Variants in MYT1L observed in about 807,000 individuals in gnomAD.
The protein encoded by MYT1L is myelin transcription factor 1-like protein.
A neutral mutation model predicts 126.7 loss-of-function variants in MYT1L; 12 were observed. The observed-to-expected ratio is 0.09, with a 90% CI of 0.06 to 0.15. The LOEUF (loss-of-function observed/expected upper bound fraction) is 0.15, where lower values mean the gene tolerates loss of function less well. Among genes scored for constraint, MYT1L ranks in the 10% least tolerant of loss-of-function variants. MYT1L has a pLI of 1.00. For missense variants in MYT1L, 979 were observed against 1,585.2 expected (o/e 0.62, Z 6.49); for synonymous variants, 541 against 604.2 (o/e 0.90, Z 1.53).
intron 2 of MYT1L, among the ~76,000 whole-genome samples, chr2:2,232,793 CAAG>C: frequency 6.6e-6 from 1 of 152,306 alleles, no homozygotes; most frequent in South Asian, 2.1e-4. Context: ...ACAGGGCAGG[CAAG>C]AAGAGGTGGA....
At chr2:1,931,451 G>A (rs1394871397) in intron 9 of MYT1L, among the ~76,000 whole-genome samples, 1 of 151,342 alleles carries the variant, frequency 6.6e-6, no homozygotes, top group Admixed American at 6.6e-5. Flanking sequence ...GCTGCGCCTT[G>A]CAAGTACTTC....
intron 5 of MYT1L, among the ~76,000 whole-genome samples, chr2:1,989,906 G>C (rs901625957): frequency 6.6e-6 from 1 of 152,186 alleles, no homozygotes; most frequent in Non-Finnish European, 1.5e-5. Flanking sequence ...GCTGAGACAG[G>C]AGAATTGCTT....
At chr2:2,022,442 T>A (rs2065130816) in intron 4 of MYT1L, among the ~76,000 whole-genome samples, 1 of 152,152 alleles carries the variant, frequency 6.6e-6, no homozygotes, top group Non-Finnish European at 1.5e-5. Flanking sequence ...TAATTTTAGG[T>A]ATTTTTTTTA....
At chr2:1,960,579 C>T (rs114775489) in intron 8 of MYT1L, among the ~76,000 whole-genome samples, 1,872 of 152,316 alleles carry the variant, frequency 0.012, 43 homozygotes, top group African/African-American at 0.042. Context: ...ATCCCAGACT[C>T]GTCTTAGTCT....
At chr2:2,318,043 C>T (rs1012520822) in intron 1 of MYT1L, among the ~76,000 whole-genome samples, 1 of 152,234 alleles carries the variant, frequency 6.6e-6, no homozygotes, top group South Asian at 2.1e-4. Flanking sequence ...TTGATAGAGG[C>T]CGTTTTTGCA....
intron 3 of MYT1L, among the ~76,000 whole-genome samples, chr2:2,168,722 T>C (rs371268970): frequency 6.6e-6 from 1 of 152,152 alleles, no homozygotes; most frequent in Non-Finnish European, 1.5e-5. Context: ...GCCCTGAGCG[T>C]GTTTTACTCC....
intron 16 of MYT1L, among the ~76,000 whole-genome samples, chr2:1,888,595 G>C (rs576550255): frequency 6.6e-6 from 1 of 152,044 alleles, no homozygotes; most frequent in Non-Finnish European, 1.5e-5. Context: ...CTTTAAAGTC[G>C]GTACATAAAG....
At chr2:2,212,640 T>C (rs2093561402) in intron 2 of MYT1L, among the ~76,000 whole-genome samples, 1 of 152,196 alleles carries the variant, frequency 6.6e-6, no homozygotes, top group South Asian at 2.1e-4. Context: ...AAATTAGATG[T>C]TTATCTGTTT....
intron 8 of MYT1L, among the ~76,000 whole-genome samples, chr2:1,975,168 C>T (rs1224108289): frequency 6.7e-6 from 1 of 150,266 alleles, no homozygotes; most frequent in African/African-American, 2.5e-5. Flanking sequence ...ACAACAATCA[C>T]ACTAAAAAAA....
intron 4 of MYT1L, among the ~76,000 whole-genome samples, chr2:2,041,914 C>A (rs2067593052): frequency 6.6e-6 from 1 of 152,162 alleles, no homozygotes; most frequent in Non-Finnish European, 1.5e-5. Context: ...AAATCTAAGT[C>A]CCATAAAGAA....
chr2:2,164,489 C>T (rs1392981033), intron 3 of MYT1L, among the ~76,000 whole-genome samples: 4 of 152,106 alleles, frequency 2.6e-5, no homozygotes, highest in East Asian at 1.9e-4. Flanking sequence ...AGTGTGGGTC[C>T]GAGCTGTCCG....
chr2:1,853,412 A>G (rs1002310496), intron 18 of MYT1L, among the ~76,000 whole-genome samples: 1 of 152,252 alleles, frequency 6.6e-6, no homozygotes, highest in African/African-American at 2.4e-5. Context: ...ATATACTTAA[A>G]GTTTGATCGT....
At chr2:1,991,158 C>T (rs115253387) in intron 5 of MYT1L, among the ~76,000 whole-genome samples, 7 of 152,272 alleles carry the variant, frequency 4.6e-5, no homozygotes, top group African/African-American at 1.4e-4. Context: ...AGCCTGCTTC[C>T]GAGTAAGAAG....
intron 2 of MYT1L, among the ~76,000 whole-genome samples, chr2:2,263,373 G>T (rs1045813892): frequency 6.6e-6 from 1 of 152,008 alleles, no homozygotes; most frequent in Non-Finnish European, 1.5e-5. Context: ...CTGCACATAT[G>T]CAAAACCCGG....
intron 2 of MYT1L, among the ~76,000 whole-genome samples, chr2:2,229,613 T>C (rs1325599084): frequency 7.9e-6 from 1 of 126,120 alleles, no homozygotes; most frequent in African/African-American, 3.6e-5. Flanking sequence ...TTCAGTTTTT[T>C]GCACAGATGG....
chr2:2,302,080 C>T (rs1266526493), intron 1 of MYT1L, among the ~76,000 whole-genome samples: 1 of 152,100 alleles, frequency 6.6e-6, no homozygotes, highest in Non-Finnish European at 1.5e-5. Flanking sequence ...GCTAATATTG[C>T]CATGATCAAT....
chr2:2,177,568 G>A (rs2148596251), intron 2 of MYT1L, among the ~76,000 whole-genome samples: 1 of 152,296 alleles, frequency 6.6e-6, no homozygotes, highest in East Asian at 1.9e-4. Context: ...AAAGGAAAGA[G>A]GTTTAAATGA....
chr2:2,102,502 C>A (rs2078218954), intron 3 of MYT1L, among the ~76,000 whole-genome samples: 1 of 152,002 alleles, frequency 6.6e-6, no homozygotes, highest in African/African-American at 2.4e-5. Context: ...GTTTACAGAT[C>A]CTTCCCAAGA....
intron 9 of MYT1L, among the ~76,000 whole-genome samples, chr2:1,935,284 T>C (rs1160290915): frequency 6.6e-6 from 1 of 152,224 alleles, no homozygotes; most frequent in African/African-American, 2.4e-5. Flanking sequence ...TGTTTAGTTT[T>C]GTGTCTGCAT....
Sources: allele counts gnomAD v4.1 joint callset (sites outside exome capture counted in the v4.1 genomes callset), GRCh38; gene constraint gnomAD v4.1.1; transcripts MANE v1.5; gene names NCBI Gene and HGNC (gene_info 2026-07-23, HGNC 2026-07-21).